Variants in RXRA observed in about 807,000 individuals in gnomAD.
The protein encoded by RXRA is retinoid X receptor alpha.
A neutral mutation model predicts 44.5 loss-of-function variants in RXRA; 5 were observed. The observed-to-expected ratio is 0.11, with a 90% CI of 0.06 to 0.24. The LOEUF (loss-of-function observed/expected upper bound fraction) is 0.24. Ranked by LOEUF, RXRA falls within the 10% of genes least tolerant of loss-of-function variation. The pLI is 1.00. For synonymous variants in RXRA, 291 were observed against 271.4 expected (o/e 1.07, Z -0.71); for missense variants, 412 against 646.5 (o/e 0.64, Z 3.93).
At chr9:134,385,534 C>T (rs912137820) in intron 1 of RXRA, among the ~76,000 whole-genome samples, 10 of 152,220 alleles carry the variant, frequency 6.6e-5, no homozygotes, top group Non-Finnish European at 1.2e-4. Flanking sequence ...CCCCACAGGA[C>T]GCCCCCCAGG....
chr9:134,357,906 G>A (rs1202808105), intron 1 of RXRA, among the ~76,000 whole-genome samples: 1 of 152,234 alleles, frequency 6.6e-6, no homozygotes, highest in Non-Finnish European at 1.5e-5. Flanking sequence ...AGCGGACCCT[G>A]TGGGCAAGGG....
At position 134,395,637 on chromosome 9, in the gene RXRA, C is replaced by T. The variant is rs1314490910; in HGVS notation, c.29-5995C>T. 2.6e-5 allele frequency among the ~76,000 whole-genome samples: 4 copies of T among 152,332 alleles called. No homozygotes were observed. The East Asian group carries it at 7.7e-4, about 29-fold the overall frequency. ...AGCAGGGGCCTGAGTGTCCATGTTC[C>T]CGCAGGTGGGTGACTTCATAGGCCT... is the stretch of plus-strand genomic sequence containing the variant. On this transcript the variant is annotated intron_variant, in intron 1 of 9. Transcript: ENST00000481739.
intron 1 of RXRA, chr9:134,380,191 G>A (rs1295058417): frequency 1.1e-5 from 11 of 985,320 alleles, no homozygotes; most frequent in East Asian, 2.3e-4. Flanking sequence ...GGCCCCCCGC[G>A]GTGTAGGCCG....
chr9:134,329,709 C>T (rs1192553112), intron 1 of RXRA, among the ~76,000 whole-genome samples: 1 of 152,236 alleles, frequency 6.6e-6, no homozygotes, highest in Non-Finnish European at 1.5e-5. Flanking sequence ...CCAGCTGTGC[C>T]TGTCCTTCAG....
At chr9:134,355,268 C>T (rs1372229341) in intron 1 of RXRA, among the ~76,000 whole-genome samples, 1 of 152,220 alleles carries the variant, frequency 6.6e-6, no homozygotes, top group Non-Finnish European at 1.5e-5. Flanking sequence ...CTGGGCCCGG[C>T]ATGGGCATCT....
intron 1 of RXRA, among the ~76,000 whole-genome samples, chr9:134,340,026 T>A (rs548490031): frequency 2.0e-5 from 3 of 152,202 alleles, no homozygotes; most frequent in Non-Finnish European, 1.5e-5. Flanking sequence ...AGCCTGTATC[T>A]GTGTGCACCC....
At chr9:134,341,877 A>T (rs1323792455) in intron 1 of RXRA, among the ~76,000 whole-genome samples, 1 of 151,926 alleles carries the variant, frequency 6.6e-6, no homozygotes, top group African/African-American at 2.4e-5. Context: ...CGTGACTGGC[A>T]GCGTCACTGC....
chr9:134,420,678 G>T (rs529096370), intron 5 of RXRA, among the ~76,000 whole-genome samples: 50 of 152,360 alleles, frequency 3.3e-4, no homozygotes, highest in African/African-American at 1.1e-3. Flanking sequence ...CTGAAGTGAG[G>T]GATCCCCGAA....
chr9:134,358,028 C>T (rs1169698399), intron 1 of RXRA, among the ~76,000 whole-genome samples: 3 of 152,224 alleles, frequency 2.0e-5, no homozygotes, highest in Non-Finnish European at 4.4e-5. Context: ...CCACTGTGCT[C>T]CCCGACATCC....
intron 7 of RXRA, 84 bp from the exon 8 acceptor site, chr9:134,431,821 C>G: frequency 9.0e-7 from 1 of 1,109,768 alleles, no homozygotes. Flanking sequence ...GCCGGGCTCT[C>G]CAGAGGCCTT....
intron 2 of RXRA, 32 bp downstream of exon 2, chr9:134,401,914 T>A: frequency 6.8e-7 from 1 of 1,469,668 alleles, no homozygotes; most frequent in Non-Finnish European, 9.2e-7. Context: ...GGGGAGGGGG[T>A]GGGGCCTGGG....
chr9:134,364,494 CTCCCAGCAGCCA>C (rs1386777969), intron 1 of RXRA, among the ~76,000 whole-genome samples: 2 of 152,226 alleles, frequency 1.3e-5, no homozygotes, highest in Non-Finnish European at 2.9e-5. Flanking sequence ...TGTTTGGATG[CTCCCAGCAGCCA>C]CCAGAGGGCA....
intron 1 of RXRA, among the ~76,000 whole-genome samples, chr9:134,330,565 T>C (rs1834988034): frequency 6.6e-6 from 1 of 152,228 alleles, no homozygotes; most frequent in African/African-American, 2.4e-5. Context: ...CACCTGCCTG[T>C]ATGTTTCCAT....
chr9:134,343,881 C>T lies in RXRA; in HGVS notation c.28+17222C>T, dbSNP rs56272204. ...TGGGTCAGCAGATGGGCTCCTCTGG[C>T]GTCTTCTCACCTTCTGGCCGGTCAT... On this transcript the variant is annotated intron_variant, in intron 1 of 9. Coordinates refer to ENST00000481739, the MANE Select transcript of RXRA (RefSeq NM_002957.6). This position sits in a 1 kb window ranked among gnomAD's most constrained non-coding sequence, Gnocchi z 4.1. Among the ~76,000 whole-genome samples the T allele has an allele frequency of 0.33, 50,425 of 151,838 alleles. 8,647 individuals carry two copies. Among genetic ancestry groups the T allele is most frequent in the African/African-American group, 0.42 (17,201 of 41,372 alleles).
intron 1 of RXRA, among the ~76,000 whole-genome samples, chr9:134,388,097 T>C (rs1935518229): frequency 6.6e-6 from 1 of 151,888 alleles, no homozygotes; most frequent in African/African-American, 2.4e-5. Context: ...ATCTGTAAAG[T>C]GGGCGCAGAA....
chr9:134,396,979 C>T (rs1015096593), intron 1 of RXRA, among the ~76,000 whole-genome samples: 49 of 152,356 alleles, frequency 3.2e-4, no homozygotes, highest in Admixed American at 2.2e-3. Flanking sequence ...TCACCCCCGC[C>T]CCCACCACAG....
At chr9:134,387,905 A>C (rs1296091746) in intron 1 of RXRA, among the ~76,000 whole-genome samples, 1 of 152,042 alleles carries the variant, frequency 6.6e-6, no homozygotes, top group African/African-American at 2.4e-5. Flanking sequence ...AGGTTTTTTG[A>C]AAGCCCCAGC....
intron 4 of RXRA, among the ~76,000 whole-genome samples, chr9:134,413,296 CGT>C (rs1477052498): frequency 1.3e-5 from 2 of 150,210 alleles, no homozygotes; most frequent in East Asian, 2.0e-4. Flanking sequence ...TATGGGTGTG[CGT>C]GTGGTGTGTG....
At chr9:134,432,791 G>C (rs1238625021) in intron 8 of RXRA, among the ~76,000 whole-genome samples, 3 of 152,234 alleles carry the variant, frequency 2.0e-5, no homozygotes, top group African/African-American at 7.2e-5. Flanking sequence ...CTGCAAGTTA[G>C]GGGCCAGGGG....
Sources: allele counts gnomAD v4.1 joint callset (sites outside exome capture counted in the v4.1 genomes callset), GRCh38; gene constraint gnomAD v4.1.1; non-coding constraint Gnocchi (gnomAD v3.1); transcripts MANE v1.5; gene names NCBI Gene and HGNC (gene_info 2026-07-23, HGNC 2026-07-21).